Variants in CACNB4 observed in about 807,000 individuals in gnomAD.
CACNB4 encodes calcium voltage-gated channel auxiliary subunit beta 4.
CACNB4 carries 32 observed loss-of-function variants against 71.2 expected under a neutral mutation model. That is an observed-to-expected ratio of 0.45 (90% CI 0.34 to 0.60). CACNB4 has a LOEUF of 0.60. Ranked by LOEUF, CACNB4 falls within the 20% of genes least tolerant of loss-of-function variation. CACNB4 has a pLI of 0.01. For missense variants in CACNB4, 464 were observed against 647.9 expected (o/e 0.72, Z 3.08); for synonymous variants, 231 against 236.9 (o/e 0.97, Z 0.23).
chr2:152,023,785 C>T (rs989300579), intron 2 of CACNB4, among the ~76,000 whole-genome samples: 4 of 152,184 alleles, frequency 2.6e-5, no homozygotes, highest in African/African-American at 4.8e-5. Flanking sequence ...AATAGCTTTC[C>T]TCCACCGAAG....
intron 2 of CACNB4, among the ~76,000 whole-genome samples, chr2:151,945,909 G>A (rs1184203376): frequency 6.6e-6 from 1 of 150,726 alleles, no homozygotes; most frequent in Non-Finnish European, 1.5e-5. Context: ...ACATGTGTGT[G>A]TGCGCGTGTG....
intron 2 of CACNB4, among the ~76,000 whole-genome samples, chr2:151,992,033 C>A (rs1439826998): frequency 1.3e-5 from 2 of 152,138 alleles, no homozygotes; most frequent in African/African-American, 4.8e-5. Context: ...CAGAATGGCC[C>A]CCCTGAAGGA....
intron 2 of CACNB4, among the ~76,000 whole-genome samples, chr2:152,055,249 T>A (rs188349938): frequency 2.0e-5 from 3 of 152,338 alleles, no homozygotes; most frequent in Non-Finnish European, 4.4e-5. Flanking sequence ...TGACCTCAAG[T>A]GATCGGCCTG....
chr2:151,985,959 C>T (rs981678785), intron 2 of CACNB4, among the ~76,000 whole-genome samples: 1 of 152,186 alleles, frequency 6.6e-6, no homozygotes, highest in East Asian at 1.9e-4. Flanking sequence ...CTAGTATCTA[C>T]ATTTTCTAAA....
chr2:151,917,680 T>C (rs906668250), intron 2 of CACNB4, among the ~76,000 whole-genome samples: 1 of 151,524 alleles, frequency 6.6e-6, no homozygotes, highest in Non-Finnish European at 1.5e-5. Context: ...CTACTAAAAA[T>C]ACAAAATTAG....
chr2:152,080,492 A>C (rs932547277), intron 2 of CACNB4, among the ~76,000 whole-genome samples: 6 of 152,120 alleles, frequency 3.9e-5, no homozygotes, highest in African/African-American at 1.4e-4. Context: ...CAGGGTGGGA[A>C]ATTTGTGTAG....
At chr2:152,079,175 G>T (rs1460506700) in intron 2 of CACNB4, among the ~76,000 whole-genome samples, 1 of 152,088 alleles carries the variant, frequency 6.6e-6, no homozygotes, top group East Asian at 1.9e-4. Context: ...TGTAAGCTCC[G>T]CCTCCCAGGT....
intron 2 of CACNB4, among the ~76,000 whole-genome samples, chr2:152,049,287 C>T (rs1414232785): frequency 1.3e-5 from 2 of 152,062 alleles, no homozygotes; most frequent in Non-Finnish European, 2.9e-5. Flanking sequence ...GCCCCAGCCA[C>T]CCAGGTAGCT....
chr2:151,946,835 T>C (rs961260276), intron 2 of CACNB4, among the ~76,000 whole-genome samples: 1 of 152,234 alleles, frequency 6.6e-6, no homozygotes, highest in Non-Finnish European at 1.5e-5. Flanking sequence ...ATTTCAGTGA[T>C]GAAATTTCAT....
intron 2 of CACNB4, among the ~76,000 whole-genome samples, chr2:152,062,793 A>G (rs1333261275): frequency 6.6e-6 from 1 of 152,234 alleles, no homozygotes; most frequent in Non-Finnish European, 1.5e-5. Context: ...CTGGCTTTGC[A>G]CAGACCTGTG....
chr2:151,908,157 G>C (rs916078100), intron 2 of CACNB4, among the ~76,000 whole-genome samples: 1 of 152,210 alleles, frequency 6.6e-6, no homozygotes, highest in Non-Finnish European at 1.5e-5. Context: ...AAGACGCCAG[G>C]AGGGAGTCTG....
chr2:151,937,613 C>T (rs1400928774), intron 2 of CACNB4, among the ~76,000 whole-genome samples: 2 of 152,212 alleles, frequency 1.3e-5, no homozygotes, highest in East Asian at 1.9e-4. Flanking sequence ...TGCATCACAT[C>T]TACATCTACA....
chr2:151,984,445 C>G (rs74453146), intron 2 of CACNB4, among the ~76,000 whole-genome samples: 2,609 of 152,208 alleles, frequency 0.017, 81 homozygotes, highest in African/African-American at 0.058. Flanking sequence ...GGCCTGTGAG[C>G]CTCAACTAAT....
At chr2:152,051,891 G>T (rs1207186754) in intron 2 of CACNB4, among the ~76,000 whole-genome samples, 2 of 152,088 alleles carry the variant, frequency 1.3e-5, no homozygotes, top group African/African-American at 4.8e-5. Flanking sequence ...CCTATAAATG[G>T]TAACATAAAA....
chr2:152,009,888 G>T (rs1309920327), intron 2 of CACNB4, among the ~76,000 whole-genome samples: 1 of 152,208 alleles, frequency 6.6e-6, no homozygotes, highest in Non-Finnish European at 1.5e-5. Context: ...AAGGCGTCAA[G>T]AAACTGGGGC....
At chr2:151,918,854 A>T (rs1352407476) in intron 2 of CACNB4, among the ~76,000 whole-genome samples, 19 of 152,262 alleles carry the variant, frequency 1.2e-4, no homozygotes, top group Admixed American at 1.2e-3. Flanking sequence ...TGTTCACCAT[A>T]TCAACATTCC....
chr2:152,023,077 T>C (rs1039454347), intron 2 of CACNB4, among the ~76,000 whole-genome samples: 2 of 149,760 alleles, frequency 1.3e-5, no homozygotes, highest in Non-Finnish European at 3.0e-5. Context: ...AAGAGGCATG[T>C]CTTACATGGT....
At position 151,981,288 on chromosome 2, in the gene CACNB4, A is replaced by T. The variant is rs76476989; in HGVS notation, c.148-97918T>A. Among the ~76,000 whole-genome samples the T allele has an allele frequency of 8.1e-3, 1,227 of 152,326 alleles. 14 individuals are homozygous for T. The highest frequency in any genetic ancestry group is 0.028 in the African/African-American group (1,151 of 41,562). ...ACAAATATTGGTTAAGGAACTGAAC[A>T]GCAAACATGAAAACAAAATTCACAC... On this transcript the variant is annotated intron_variant, in intron 2 of 13. Coordinates refer to ENST00000539935, the MANE Select transcript of CACNB4 (RefSeq NM_000726.5).
chr2:151,935,791 T>C (rs1431579453), intron 2 of CACNB4, among the ~76,000 whole-genome samples: 1 of 152,246 alleles, frequency 6.6e-6, no homozygotes, highest in African/African-American at 2.4e-5. Flanking sequence ...GGCTATTAGA[T>C]ATTCTTCAAG....
Sources: gnomAD v4.1 joint callset for allele counts (sites outside exome capture counted in the v4.1 genomes callset) on GRCh38, gnomAD v4.1.1 for gene constraint, MANE v1.5 for transcripts, NCBI Gene and HGNC (gene_info 2026-07-23, HGNC 2026-07-21) for gene names.